The following TENM3 variants were observed in gnomAD, a reference collection of about 807,000 sequenced individuals.
TENM3 encodes teneurin transmembrane protein 3.
A neutral mutation model predicts 255.1 loss-of-function variants in TENM3; 63 were observed. That is an observed-to-expected ratio of 0.25 (90% CI 0.20 to 0.30). The LOEUF (loss-of-function observed/expected upper bound fraction) is 0.30. Ranked by LOEUF, TENM3 falls within the 10% of genes least tolerant of loss-of-function variation. The pLI is 1.00. For missense variants in TENM3, 2,929 were observed against 3,461.1 expected, an observed-to-expected ratio of 0.85 and a Z score of 3.86; for synonymous variants, 1,306 against 1,322.3, an observed-to-expected ratio of 0.99 and a Z score of 0.27.
At chr4:181,509,006 C>T in the TENM3 span, among the ~76,000 whole-genome samples, 1 of 150,012 alleles carries the variant, frequency 6.7e-6, no homozygotes, top group African/African-American at 2.5e-5. Flanking sequence ...CTGCTGCCTC[C>T]CACCTTTCTT....
At chr4:182,168,734 AG>A (rs1309103102) in intron 1 of TENM3, among the ~76,000 whole-genome samples, 3 of 152,212 alleles carry the variant, frequency 2.0e-5, no homozygotes, top group Non-Finnish European at 2.9e-5. Context: ...CATGAATTAT[AG>A]GTATGGATAA....
the TENM3 span, among the ~76,000 whole-genome samples, chr4:181,541,107 C>T: frequency 6.6e-6 from 1 of 152,192 alleles, no homozygotes; most frequent in East Asian, 1.9e-4. Context: ...GGCACAGTGG[C>T]TCATGCCTGT....
At chr4:182,194,991 G>T (rs1344633411) in intron 1 of TENM3, among the ~76,000 whole-genome samples, 4 of 148,802 alleles carry the variant, frequency 2.7e-5, no homozygotes, top group South Asian at 2.1e-4. Context: ...TCACTGCAAG[G>T]CTTATGAAAT....
the TENM3 span, among the ~76,000 whole-genome samples, chr4:182,034,502 G>A: frequency 1.3e-5 from 2 of 152,174 alleles, no homozygotes; most frequent in Non-Finnish European, 1.5e-5. Context: ...GTACTTCAGT[G>A]TATTTTTGTA....
the TENM3 span, among the ~76,000 whole-genome samples, chr4:181,456,020 ATCAT>A: frequency 6.6e-6 from 1 of 151,890 alleles, no homozygotes; most frequent in African/African-American, 2.4e-5. Context: ...TCATTAAATC[ATCAT>A]TCATTAATTA....
chr4:181,814,078 A>G, the TENM3 span, among the ~76,000 whole-genome samples: 1 of 152,190 alleles, frequency 6.6e-6, no homozygotes, highest in African/African-American at 2.4e-5. Context: ...CGCATAAAAG[A>G]ACTCATCCCA....
At chr4:181,725,830 T>A in the TENM3 span, among the ~76,000 whole-genome samples, 1 of 152,186 alleles carries the variant, frequency 6.6e-6, no homozygotes, top group Non-Finnish European at 1.5e-5. Flanking sequence ...TTCAAGACTA[T>A]CTATTGTGTT....
chr4:181,452,804 C>A, the TENM3 span, among the ~76,000 whole-genome samples: 2 of 152,212 alleles, frequency 1.3e-5, no homozygotes, highest in South Asian at 2.1e-4. Flanking sequence ...ACAGAAAAAG[C>A]AAAGAGGAAA....
At chr4:181,863,627 A>G in the TENM3 span, among the ~76,000 whole-genome samples, 1 of 152,102 alleles carries the variant, frequency 6.6e-6, no homozygotes, top group Non-Finnish European at 1.5e-5. Context: ...CAGTTCCCTT[A>G]AGCCTTTCTC....
chr4:182,073,871 C>A, the TENM3 span, among the ~76,000 whole-genome samples: 1 of 152,102 alleles, frequency 6.6e-6, no homozygotes, highest in South Asian at 2.1e-4. Flanking sequence ...GCTCCACCAT[C>A]CCTCTCTTTG....
At chr4:181,463,185 C>T in the TENM3 span, among the ~76,000 whole-genome samples, 4 of 152,170 alleles carry the variant, frequency 2.6e-5, no homozygotes, top group Non-Finnish European at 5.9e-5. Flanking sequence ...CAATTTCTTC[C>T]ACCTGGAATT....
chr4:182,788,345 T>C (rs1288801433), intron 24 of TENM3, among the ~76,000 whole-genome samples: 1 of 152,226 alleles, frequency 6.6e-6, no homozygotes, highest in East Asian at 1.9e-4. Flanking sequence ...CTGGGTTGTG[T>C]ATGCCTCGGA....
chr4:181,583,951 T>C, the TENM3 span, among the ~76,000 whole-genome samples: 1 of 152,202 alleles, frequency 6.6e-6, no homozygotes, highest in Non-Finnish European at 1.5e-5. Flanking sequence ...CATACTCTCA[T>C]AGCCCCTTTC....
At chr4:182,263,588 C>A (rs1396909357) in intron 1 of TENM3, among the ~76,000 whole-genome samples, 1 of 133,118 alleles carries the variant, frequency 7.5e-6, no homozygotes, top group Non-Finnish European at 1.5e-5. Flanking sequence ...GGGACATGGG[C>A]AATTCCCCCC....
the TENM3 span, among the ~76,000 whole-genome samples, chr4:182,125,155 T>A: frequency 2.5e-5 from 3 of 119,786 alleles, no homozygotes; most frequent in African/African-American, 6.0e-5. Flanking sequence ...ATCTTCCCAT[T>A]GCCCAGCGCA....
At chr4:181,704,959 G>A in the TENM3 span, among the ~76,000 whole-genome samples, 1 of 151,754 alleles carries the variant, frequency 6.6e-6, no homozygotes, top group East Asian at 1.9e-4. Flanking sequence ...AGCCCAGGAG[G>A]CAGAGGTTGC....
At chr4:181,728,836 C>T in the TENM3 span, among the ~76,000 whole-genome samples, 1 of 152,062 alleles carries the variant, frequency 6.6e-6, no homozygotes, top group South Asian at 2.1e-4. Context: ...TGGAGTCGCT[C>T]TGGTTCAAAC....
intron 3 of TENM3, among the ~76,000 whole-genome samples, chr4:182,388,037 T>C (rs866910241): frequency 1.3e-5 from 2 of 152,140 alleles, no homozygotes; most frequent in African/African-American, 4.8e-5. Flanking sequence ...AGCATGTATC[T>C]GCATGCCCCA....
the TENM3 span, among the ~76,000 whole-genome samples, chr4:182,101,093 AGGGAGGG>A: frequency 1.9e-5 from 1 of 53,822 alleles, no homozygotes; most frequent in African/African-American, 7.5e-5. Flanking sequence ...GGAGGGAGGG[AGGGAGGG>A]AGGGAGGAAG....
Sources: gnomAD v4.1 joint callset for allele counts (sites outside exome capture counted in the v4.1 genomes callset) on GRCh38, gnomAD v4.1.1 for gene constraint, MANE v1.5 for transcripts, NCBI Gene and HGNC (gene_info 2026-07-23, HGNC 2026-07-21) for gene names.